The following KCNQ3 variants were observed in gnomAD, a reference collection of about 807,000 sequenced individuals.
KCNQ3 encodes the protein potassium voltage-gated channel subfamily Q member 3.
A neutral mutation model predicts 92.5 loss-of-function variants in KCNQ3; 30 were observed. The observed-to-expected ratio is 0.32, with a 90% CI of 0.24 to 0.44. The LOEUF is 0.44. KCNQ3 is among the 20% of genes least tolerant of loss of function. The probability of loss-of-function intolerance (pLI) is 1.00; values close to 1 mark genes in which losing one functional copy is unlikely to be tolerated. For missense variants in KCNQ3, 913 were observed against 1,140.3 expected (o/e 0.80, Z 2.87); for synonymous variants, 450 against 468.8 (o/e 0.96, Z 0.52).
intron 1 of KCNQ3, among the ~76,000 whole-genome samples, chr8:132,388,035 GGAAGAGGAAGAA>G (rs1819941160): frequency 9.1e-6 from 1 of 109,358 alleles, no homozygotes; most frequent in African/African-American, 4.4e-5. Context: ...AAGAAGAAGA[GGAAGAGGAAGAA>G]GAAGAAGAAG....
intron 9 of KCNQ3, among the ~76,000 whole-genome samples, chr8:132,154,199 T>TTTTTTTTTTTTTG (rs1825730019): frequency 2.8e-5 from 1 of 35,942 alleles, no homozygotes; most frequent in Non-Finnish European, 5.8e-5. Context: ...AAAAGTTTTT[T>TTTTTTTTTTTTTG]TTTTTTTTTT....
Position 132,319,844 on chromosome 8 carries a change from C to A in KCNQ3, c.387-133663G>T, listed in dbSNP as rs2130632918. ...CATGGGGCCTGAAGCCTATTCAGGACTATATGATGGAAGAGCTTTAACAAA... is the reference window on the plus strand; with the variant it reads ...CATGGGGCCTGAAGCCTATTCAGGAATATATGATGGAAGAGCTTTAACAAA... On this transcript the variant is annotated intron_variant, in intron 1 of 14. Transcript: ENST00000388996. Among the ~76,000 whole-genome samples, 5 of 152,282 alleles carry A rather than the reference C, an allele frequency of 3.3e-5. 1 individual carries two copies. The highest frequency in any genetic ancestry group is 3.3e-4 in the Admixed American group (5 of 15,300).
intron 1 of KCNQ3, among the ~76,000 whole-genome samples, chr8:132,450,857 G>A (rs546816178): frequency 1.3e-5 from 2 of 152,326 alleles, no homozygotes; most frequent in Non-Finnish European, 2.9e-5. Flanking sequence ...GCAAGGGAAG[G>A]GGGTGAGAGA....
At chr8:132,269,736 A>C (rs2130495068) in intron 1 of KCNQ3, among the ~76,000 whole-genome samples, 1 of 152,288 alleles carries the variant, frequency 6.6e-6, no homozygotes, top group African/African-American at 2.4e-5. Flanking sequence ...CTTCCCCACT[A>C]GACTGTGGGC....
chr8:132,381,373 C>A (rs1400439151), intron 1 of KCNQ3, among the ~76,000 whole-genome samples: 1 of 152,200 alleles, frequency 6.6e-6, no homozygotes, highest in African/African-American at 2.4e-5. Context: ...CATACACTCA[C>A]CAAGTTTCAT....
chr8:132,353,580 G>A (rs1281758288), intron 1 of KCNQ3, among the ~76,000 whole-genome samples: 1 of 152,142 alleles, frequency 6.6e-6, no homozygotes, highest in African/African-American at 2.4e-5. Context: ...TTGGGCAGCT[G>A]AAGCAGGCGG....
At chr8:132,355,800 G>A (rs773523624) in intron 1 of KCNQ3, among the ~76,000 whole-genome samples, 7 of 152,104 alleles carry the variant, frequency 4.6e-5, no homozygotes, top group Admixed American at 2.0e-4. Context: ...TAACAACCAC[G>A]GAGTCTAGGC....
Position 132,137,998 on chromosome 8 carries a change from G to C in KCNQ3, c.1587C>G (p.Leu529=), listed in dbSNP as rs1234368488. 1 of 1,611,564 alleles carries C rather than the reference G, an allele frequency of 6.2e-7. No homozygotes were observed. Among genetic ancestry groups the C allele is most frequent in the African/African-American group, 1.3e-5 (1 of 74,992 alleles). The change falls in exon 12 of 15, where the codon CTC becomes CTG. Residue 529 remains leucine, a synonymous_variant. Transcript: ENST00000388996. ...AAGTCTCCTTGAATTTTTTTTTATA[G>C]AGACGGAATTGTAGAATTCTGCAAG... The part of the protein sequence containing the change: ...IRAVRILQFR[L]YKKKFKETLR...
At chr8:132,175,386 G>T (rs1369767790) in intron 5 of KCNQ3, 67 bp downstream of exon 5, 6 of 1,542,964 alleles carry the variant, frequency 3.9e-6, no homozygotes, top group African/African-American at 1.4e-5. Flanking sequence ...CTCATGTGAT[G>T]CCCTCCACCT....
chr8:132,265,245 C>G (rs1214528262), intron 1 of KCNQ3, among the ~76,000 whole-genome samples: 1 of 152,232 alleles, frequency 6.6e-6, no homozygotes, highest in African/African-American at 2.4e-5. Context: ...ACCATTTATT[C>G]TCTTTGCCTA....
chr8:132,245,518 G>A (rs1449356461), intron 1 of KCNQ3, among the ~76,000 whole-genome samples: 2 of 151,878 alleles, frequency 1.3e-5, no homozygotes, highest in Non-Finnish European at 2.9e-5. Flanking sequence ...ACATTCATTG[G>A]TCAAAAAATT....
intron 1 of KCNQ3, among the ~76,000 whole-genome samples, chr8:132,215,898 T>C (rs1166263842): frequency 6.6e-6 from 1 of 152,166 alleles, no homozygotes; most frequent in African/African-American, 2.4e-5. Context: ...CTCCTTCTCT[T>C]CTCTGCTCCC....
At chr8:132,308,245 C>T (rs1369382376) in intron 1 of KCNQ3, among the ~76,000 whole-genome samples, 1 of 152,158 alleles carries the variant, frequency 6.6e-6, no homozygotes, top group Non-Finnish European at 1.5e-5. Flanking sequence ...CTCCTGAGTC[C>T]ACCGGCTTTC....
intron 1 of KCNQ3, among the ~76,000 whole-genome samples, chr8:132,326,716 C>A (rs1818062370): frequency 6.6e-6 from 1 of 152,182 alleles, no homozygotes; most frequent in Non-Finnish European, 1.5e-5. Flanking sequence ...AAGAGCTAAG[C>A]CTTCATAAAG....
chr8:132,175,816 G>A (rs1456669044), intron 4 of KCNQ3, among the ~76,000 whole-genome samples: 14 of 152,180 alleles, frequency 9.2e-5, no homozygotes, highest in Non-Finnish European at 1.8e-4. Flanking sequence ...CAGAAAAAGT[G>A]TATGGCTCCA....
chr8:132,130,089 T>TG (rs1410646876), intron 14 of KCNQ3, 93 bp from the exon 15 acceptor site: 9 of 1,405,182 alleles, frequency 6.4e-6, no homozygotes, highest in Non-Finnish European at 7.8e-6. Context: ...TTTTTGTTTT[T>TG]TTTTTTTTTT....
At chr8:132,438,808 T>C (rs1244180921) in intron 1 of KCNQ3, among the ~76,000 whole-genome samples, 2 of 151,828 alleles carry the variant, frequency 1.3e-5, no homozygotes, top group Admixed American at 6.6e-5. Context: ...AGAAGGTTCA[T>C]GAACAGTCTA....
chr8:132,158,180 T>C (rs1027540048), intron 9 of KCNQ3, among the ~76,000 whole-genome samples: 6 of 152,192 alleles, frequency 3.9e-5, no homozygotes, highest in African/African-American at 1.4e-4. Flanking sequence ...CTAATAGCTA[T>C]GGGGTTGTGT....
intron 1 of KCNQ3, among the ~76,000 whole-genome samples, chr8:132,354,307 A>G (rs1416418380): frequency 6.6e-6 from 1 of 152,210 alleles, no homozygotes; most frequent in African/African-American, 2.4e-5. Context: ...ACTGATACAT[A>G]CATACACTAG....
Sources: gnomAD v4.1 joint callset for allele counts (sites outside exome capture counted in the v4.1 genomes callset) on GRCh38, gnomAD v4.1.1 for gene constraint, MANE v1.5 for transcripts, NCBI Gene and HGNC (gene_info 2026-07-23, HGNC 2026-07-21) for gene names.